DPP10: variants seen among roughly 807,000 people sequenced by gnomAD.
The protein encoded by DPP10 is inactive dipeptidyl peptidase 10.
In DPP10, 33 loss-of-function variants were observed where a neutral mutation model predicts 120.9. That is an observed-to-expected ratio of 0.27 (90% CI 0.21 to 0.37). DPP10 has a LOEUF of 0.37. Ranked by LOEUF, DPP10 falls within the 10% of genes least tolerant of loss-of-function variation. The pLI is 1.00. For synonymous variants in DPP10, 337 were observed against 326.1 expected (o/e 1.03, Z -0.36); for missense variants, 816 against 942.8 (o/e 0.87, Z 1.76).
chr2:115,342,861 AT>A (rs1424179388), intron 2 of DPP10, among the ~76,000 whole-genome samples: 1 of 152,154 alleles, frequency 6.6e-6, no homozygotes, highest in Non-Finnish European at 1.5e-5. Context: ...GTGAAAGGGA[AT>A]TGCATTTGAC....
intron 1 of DPP10, among the ~76,000 whole-genome samples, chr2:114,643,643 T>C (rs1573867996): frequency 6.6e-6 from 1 of 151,874 alleles, no homozygotes; most frequent in Non-Finnish European, 1.5e-5. Context: ...CAGATTATGA[T>C]ATTATTAGTT....
intron 5 of DPP10, among the ~76,000 whole-genome samples, chr2:115,577,090 G>GCT (rs892486379): frequency 4.6e-5 from 7 of 151,946 alleles, no homozygotes; most frequent in Admixed American, 3.3e-4. Context: ...AGCTCCTAAT[G>GCT]CTCTCTCTCT....
At chr2:115,633,738 G>C (rs2086088068) in intron 5 of DPP10, among the ~76,000 whole-genome samples, 1 of 151,990 alleles carries the variant, frequency 6.6e-6, no homozygotes. Context: ...TTCAACCTTG[G>C]AGAATCTGAT....
chr2:114,961,470 T>TGCGC (rs577744737), intron 1 of DPP10, among the ~76,000 whole-genome samples: 7 of 142,418 alleles, frequency 4.9e-5, no homozygotes, highest in African/African-American at 1.8e-4. Flanking sequence ...TGTGTGTGTG[T>TGCGC]GCGCGCGCAC....
At chr2:114,514,565 T>A (rs886751392) in intron 1 of DPP10, among the ~76,000 whole-genome samples, 1 of 152,150 alleles carries the variant, frequency 6.6e-6, no homozygotes, top group African/African-American at 2.4e-5. Context: ...ACATTCCACA[T>A]GCCCTCAGGA....
chr2:114,862,917 C>A (rs1179337689), intron 1 of DPP10, among the ~76,000 whole-genome samples: 1 of 133,944 alleles, frequency 7.5e-6, no homozygotes, highest in Non-Finnish European at 1.6e-5. Context: ...AAAAAAACCC[C>A]TCTTCTTTTA....
At chr2:115,122,774 G>A (rs2104744952) in intron 1 of DPP10, among the ~76,000 whole-genome samples, 1 of 152,278 alleles carries the variant, frequency 6.6e-6, no homozygotes, top group African/African-American at 2.4e-5. Flanking sequence ...CACGGCCTTA[G>A]GCTTTAGCCC....
chr2:114,855,175 C>T (rs528480511), intron 1 of DPP10, among the ~76,000 whole-genome samples: 12 of 152,174 alleles, frequency 7.9e-5, no homozygotes, highest in Admixed American at 1.3e-4. Context: ...TACAAAGAAA[C>T]GACATATTAG....
chr2:115,208,614 A>G (rs796079622), intron 1 of DPP10, among the ~76,000 whole-genome samples: 1 of 152,228 alleles, frequency 6.6e-6, no homozygotes, highest in African/African-American at 2.4e-5. Flanking sequence ...TTCAGTGTGC[A>G]AGTATTGATT....
At chr2:114,818,172 G>A (rs1158803441) in intron 1 of DPP10, among the ~76,000 whole-genome samples, 2 of 152,136 alleles carry the variant, frequency 1.3e-5, no homozygotes, top group Admixed American at 6.5e-5. Context: ...ATGAAGGTCA[G>A]TCACTTATAA....
At chr2:114,547,177 T>G (rs1687481670) in intron 1 of DPP10, among the ~76,000 whole-genome samples, 1 of 152,246 alleles carries the variant, frequency 6.6e-6, no homozygotes, top group Admixed American at 6.5e-5. Flanking sequence ...AATTTTACTT[T>G]CGAATTTGTG....
chr2:115,786,214 T>A (rs1041968655), intron 17 of DPP10, among the ~76,000 whole-genome samples: 9 of 152,164 alleles, frequency 5.9e-5, no homozygotes, highest in Non-Finnish European at 1.3e-4. Context: ...AGGAAGTCAA[T>A]GAGAAGACAT....
At chr2:114,548,610 G>T (rs750150281) in intron 1 of DPP10, among the ~76,000 whole-genome samples, 40 of 152,178 alleles carry the variant, frequency 2.6e-4, no homozygotes, top group Non-Finnish European at 5.1e-4. Flanking sequence ...AGGTTGGTGG[G>T]TCTCTGAAGC....
At chr2:115,515,436 A>G (rs570477196) in intron 4 of DPP10, among the ~76,000 whole-genome samples, 1 of 152,166 alleles carries the variant, frequency 6.6e-6, no homozygotes, top group East Asian at 1.9e-4. Context: ...TTGATTTACA[A>G]TGATTTAATT....
intron 1 of DPP10, among the ~76,000 whole-genome samples, chr2:114,665,820 T>A (rs1255848602): frequency 6.6e-6 from 1 of 152,172 alleles, no homozygotes; most frequent in Non-Finnish European, 1.5e-5. Flanking sequence ...TTACTGTGCT[T>A]CATTCAGTAC....
At chr2:115,266,513 G>C (rs914763449) in intron 1 of DPP10, among the ~76,000 whole-genome samples, 7 of 152,082 alleles carry the variant, frequency 4.6e-5, no homozygotes, top group East Asian at 1.9e-4. Context: ...CTTGAGACAG[G>C]TGTTCATTGG....
intron 1 of DPP10, among the ~76,000 whole-genome samples, chr2:115,240,049 G>T (rs2058199140): frequency 6.6e-6 from 1 of 152,174 alleles, no homozygotes; most frequent in African/African-American, 2.4e-5. Flanking sequence ...TGTGAATAGA[G>T]CTGCAATAAA....
At chr2:115,350,696 T>A (rs1346392082) in intron 3 of DPP10, among the ~76,000 whole-genome samples, 1 of 152,126 alleles carries the variant, frequency 6.6e-6, no homozygotes, top group Non-Finnish European at 1.5e-5. Context: ...CATGGATTCT[T>A]ATAACAGCAG....
intron 7 of DPP10, among the ~76,000 whole-genome samples, chr2:115,696,043 G>A (rs556895860): frequency 1.3e-5 from 2 of 152,086 alleles, no homozygotes; most frequent in Admixed American, 6.6e-5. Flanking sequence ...TAAGACAAGT[G>A]AAATGATTGA....
Sources: allele counts gnomAD v4.1 joint callset (sites outside exome capture counted in the v4.1 genomes callset), GRCh38; gene constraint gnomAD v4.1.1; transcripts MANE v1.5; gene names NCBI Gene and HGNC (gene_info 2026-07-23, HGNC 2026-07-21).